The following HSD17B12 variants were observed in gnomAD, a reference collection of about 807,000 sequenced individuals.
HSD17B12 encodes the protein very-long-chain 3-oxoacyl-CoA reductase.
Under a neutral mutation model 39.3 loss-of-function variants are expected in HSD17B12, and 32 were observed. The observed-to-expected ratio is 0.81, with a 90% CI of 0.61 to 1.09. The LOEUF (loss-of-function observed/expected upper bound fraction) is 1.09. HSD17B12 is among the 50% of genes least tolerant of loss of function. The pLI is 0.00. For missense variants in HSD17B12, 342 were observed against 382.9 expected (o/e 0.89, Z 0.89); for synonymous variants, 150 against 146.7 (o/e 1.02, Z -0.16).
intron 1 of HSD17B12, among the ~76,000 whole-genome samples, chr11:43,719,465 G>A (rs941192450): frequency 6.6e-6 from 1 of 152,094 alleles, no homozygotes; most frequent in African/African-American, 2.4e-5. Flanking sequence ...TGAAACCAAT[G>A]CCCAGAGTTT....
At position 43,799,237 on chromosome 11, in the gene HSD17B12, T is replaced by TA. The variant is rs577513240; in HGVS notation, c.391+819dup. ...GTACTATATGTATATCTCTGCTTTA[T>TA]AAAAAAAAATACAAATAAGATTCCC... On this transcript the variant is annotated intron_variant, in intron 4 of 10. Coordinates refer to ENST00000278353, the MANE Select transcript of HSD17B12 (RefSeq NM_016142.3). 2.9e-3 allele frequency among the ~76,000 whole-genome samples: 444 copies of TA among 151,252 alleles called. 1 individual carries two copies. The highest frequency in any genetic ancestry group is 5.7e-3 in the Non-Finnish European group (387 of 67,740).
At chr11:43,662,789 G>T in the HSD17B12 span, among the ~76,000 whole-genome samples, 1 of 152,104 alleles carries the variant, frequency 6.6e-6, no homozygotes, top group Non-Finnish European at 1.5e-5. Flanking sequence ...TTAGACTATT[G>T]ACTATTCCTA....
At chr11:43,813,922 A>G (rs941721178) in intron 4 of HSD17B12, among the ~76,000 whole-genome samples, 34 of 152,148 alleles carry the variant, frequency 2.2e-4, no homozygotes, top group African/African-American at 7.7e-4. Context: ...TTACAGCCTC[A>G]AGTGATTGGC....
At chr11:43,590,505 G>GTTTTTTTTTTTTTTTTTTTTTTTT in the HSD17B12 span, among the ~76,000 whole-genome samples, 3 of 47,864 alleles carry the variant, frequency 6.3e-5, no homozygotes, top group Non-Finnish European at 1.4e-4. Context: ...TGGAGTGAGT[G>GTTTTTTTTTTTTTTTTTTTTTTTT]ATTTTTTTTT....
chr11:43,610,487 A>T, the HSD17B12 span, among the ~76,000 whole-genome samples: 2 of 152,166 alleles, frequency 1.3e-5, no homozygotes, highest in African/African-American at 4.8e-5. Context: ...AGGTACTTAG[A>T]AGGAAGCTTA....
At chr11:43,615,163 G>A in the HSD17B12 span, among the ~76,000 whole-genome samples, 1 of 152,156 alleles carries the variant, frequency 6.6e-6, no homozygotes, top group African/African-American at 2.4e-5. Flanking sequence ...TGTTTTTAAA[G>A]TTTTTAGGTG....
the HSD17B12 span, among the ~76,000 whole-genome samples, chr11:43,558,411 G>A: frequency 3.0e-5 from 3 of 100,114 alleles, no homozygotes; most frequent in East Asian, 9.5e-4. Context: ...AATTCCATGT[G>A]TCTGAGAGCA....
the HSD17B12 span, chr11:43,570,289 G>C: frequency 2.0e-5 from 3 of 152,126 alleles, no homozygotes; most frequent in African/African-American, 4.8e-5. Flanking sequence ...TAGAATATAG[G>C]GGGGCTAGGG....
rs1449938440 is a variant in HSD17B12, at chr11:43,680,771, T to A, written c.-57T>A. 14 of 1,515,208 alleles carry A rather than the reference T, an allele frequency of 9.2e-6. No individual in the cohort carries two copies. The highest frequency in any genetic ancestry group is 2.7e-5 in the African/African-American group (2 of 73,010). 93.9% of individuals were successfully genotyped at this position (1,515,208 alleles called of 1,614,324 possible). On this transcript the variant is annotated 5_prime_UTR_variant, in exon 1 of 11. Transcript: ENST00000278353. ...CACCGTCACGGCCGGCGCCTCCTCC[T>A]GGATTCATTCACTCGCTCTTTTCAT...
At chr11:43,622,253 G>C in the HSD17B12 span, among the ~76,000 whole-genome samples, 1 of 152,218 alleles carries the variant, frequency 6.6e-6, no homozygotes, top group Admixed American at 6.5e-5. Flanking sequence ...ATAAGGAGTT[G>C]TATCTTTTAG....
chr11:43,820,632 A>T (rs1463207371), intron 6 of HSD17B12, among the ~76,000 whole-genome samples: 1 of 152,202 alleles, frequency 6.6e-6, no homozygotes, highest in Admixed American at 6.5e-5. Context: ...TGCCACAATG[A>T]ATTTCTCAGA....
chr11:43,582,632 C>T, the HSD17B12 span, among the ~76,000 whole-genome samples: 2 of 152,128 alleles, frequency 1.3e-5, no homozygotes, highest in African/African-American at 2.4e-5. Context: ...CCTGAATTTC[C>T]CCCGTATCAC....
At chr11:43,587,124 G>A in the HSD17B12 span, among the ~76,000 whole-genome samples, 2 of 152,104 alleles carry the variant, frequency 1.3e-5, no homozygotes, top group Non-Finnish European at 2.9e-5. Flanking sequence ...TCCTCTCTAG[G>A]CCTCAATATC....
chr11:43,666,820 C>G, the HSD17B12 span, among the ~76,000 whole-genome samples: 1 of 152,218 alleles, frequency 6.6e-6, no homozygotes, highest in African/African-American at 2.4e-5. Context: ...TCCATGTAAA[C>G]AGGGCAACAT....
chr11:43,619,832 A>G, the HSD17B12 span, among the ~76,000 whole-genome samples: 3 of 152,328 alleles, frequency 2.0e-5, no homozygotes, highest in South Asian at 2.1e-4. Context: ...TGTGAGGGCA[A>G]TGAGTTACTA....
the HSD17B12 span, among the ~76,000 whole-genome samples, chr11:43,597,498 T>C: frequency 1.3e-5 from 2 of 152,014 alleles, no homozygotes; most frequent in Admixed American, 1.3e-4. Context: ...CCACCGAAGG[T>C]TTTAGACTGA....
chr11:43,629,570 G>A, the HSD17B12 span, among the ~76,000 whole-genome samples: 11 of 152,186 alleles, frequency 7.2e-5, no homozygotes, highest in Non-Finnish European at 1.0e-4. Flanking sequence ...GGTCCCATTC[G>A]TGGAGTTTAT....
chr11:43,760,605 T>G (rs1288892235), intron 3 of HSD17B12, among the ~76,000 whole-genome samples: 1 of 152,178 alleles, frequency 6.6e-6, no homozygotes, highest in Admixed American at 6.6e-5. Context: ...CCATTTCACT[T>G]TTTCAGGCCT....
chr11:43,845,576 TG>T (rs1420352437), intron 9 of HSD17B12, among the ~76,000 whole-genome samples: 2 of 152,208 alleles, frequency 1.3e-5, no homozygotes, highest in African/African-American at 4.8e-5. Context: ...ATTCCTCATT[TG>T]GGGTTTCTTT....
Sources: allele counts gnomAD v4.1 joint callset (sites outside exome capture counted in the v4.1 genomes callset), GRCh38; gene constraint gnomAD v4.1.1; transcripts MANE v1.5; gene names NCBI Gene and HGNC (gene_info 2026-07-23, HGNC 2026-07-21).